The following OR2C1 variants were observed in gnomAD, a reference collection of about 807,000 sequenced individuals.
OR2C1 encodes the protein olfactory receptor 2C1.
For missense variants in OR2C1, 468 were observed against 388.3 expected (o/e 1.21, Z -1.73); for synonymous variants, 209 against 167.3 (o/e 1.25, Z -1.92).
chr16:3,355,841 G>C, upstream of OR2C1: 1 of 820,830 alleles, frequency 1.2e-6, no homozygotes, highest in Non-Finnish European at 1.9e-6. Flanking sequence ...CTATTAGACC[G>C]TTCCTGATGC....
At chr16:3,340,140 A>G in the OR2C1 span, among the ~76,000 whole-genome samples, 97 of 152,190 alleles carry the variant, frequency 6.4e-4, no homozygotes, top group African/African-American at 2.3e-3. Flanking sequence ...TTAGCCAGGC[A>G]TGGTGGCAGG....
chr16:3,354,749 C>A (rs77922294), upstream of OR2C1, among the ~76,000 whole-genome samples: 6,642 of 152,202 alleles, frequency 0.044, 193 homozygotes, highest in Middle Eastern at 0.061. Context: ...CTGAGCGTAT[C>A]AGAATCTTGG....
At chr16:3,347,869 CACACGCACAT>C in the OR2C1 span, among the ~76,000 whole-genome samples, 8 of 6,408 alleles carry the variant, frequency 1.2e-3, no homozygotes, top group South Asian at 0.043. Context: ...CGCGCACACA[CACACGCACAT>C]GCACACATGC....
chr16:3,326,715 C>T, the OR2C1 span, among the ~76,000 whole-genome samples: 5 of 152,148 alleles, frequency 3.3e-5, no homozygotes, highest in Non-Finnish European at 7.3e-5. Flanking sequence ...GGCATATGGC[C>T]TTAAGCTGGT....
chr16:3,323,733 C>A, the OR2C1 span: 1 of 685,548 alleles, frequency 1.5e-6, no homozygotes, highest in South Asian at 1.6e-5. Context: ...CACACCTTGT[C>A]ACATTTCTGC....
the OR2C1 span, among the ~76,000 whole-genome samples, chr16:3,325,953 CAA>C: frequency 7.6e-6 from 1 of 131,920 alleles, no homozygotes; most frequent in Non-Finnish European, 1.5e-5. Context: ...TTTTTTTAGG[CAA>C]AGTCTCACTC....
upstream of OR2C1, among the ~76,000 whole-genome samples, chr16:3,352,903 G>A (rs915420320): frequency 2.7e-5 from 4 of 149,170 alleles, no homozygotes; most frequent in African/African-American, 7.6e-5. Flanking sequence ...CACCACGCCC[G>A]GATAATTTTT....
At chr16:3,339,430 C>G in the OR2C1 span, among the ~76,000 whole-genome samples, 1 of 151,996 alleles carries the variant, frequency 6.6e-6, no homozygotes, top group South Asian at 2.1e-4. Flanking sequence ...GAGAAACTGC[C>G]AAACTGTTTT....
At chr16:3,329,298 A>T in the OR2C1 span, among the ~76,000 whole-genome samples, 1 of 151,832 alleles carries the variant, frequency 6.6e-6, no homozygotes, top group Non-Finnish European at 1.5e-5. Flanking sequence ...GAGAAAAATA[A>T]ACAATAATTA....
upstream of OR2C1, among the ~76,000 whole-genome samples, chr16:3,352,510 C>G (rs920834433): frequency 6.6e-6 from 1 of 152,104 alleles, no homozygotes; most frequent in Non-Finnish European, 1.5e-5. Context: ...TTACTGATGT[C>G]TCTTAGAAGT....
At chr16:3,331,784 T>A in the OR2C1 span, among the ~76,000 whole-genome samples, 2 of 150,490 alleles carry the variant, frequency 1.3e-5, no homozygotes, top group African/African-American at 4.9e-5. Context: ...CACGTATGTT[T>A]ATTGCGGCAT....
chr16:3,341,595 C>T, the OR2C1 span, among the ~76,000 whole-genome samples: 4 of 152,164 alleles, frequency 2.6e-5, no homozygotes, highest in African/African-American at 4.8e-5. Context: ...AAGATTCAAT[C>T]ATTTTCTAGA....
At chr16:3,346,034 T>A in the OR2C1 span, among the ~76,000 whole-genome samples, 1 of 152,102 alleles carries the variant, frequency 6.6e-6, no homozygotes. Flanking sequence ...AAGATCTCAC[T>A]ATGTTGCCCA....
At position 3,356,376 on chromosome 16, in the gene OR2C1, G is replaced by C; in HGVS notation, c.436G>C (p.Val146Leu). 6.2e-7 allele frequency: 1 copy of C among 1,613,780 alleles called. No individual in the cohort carries two copies. The highest frequency in any genetic ancestry group is 8.5e-7 in the Non-Finnish European group (1 of 1,180,048). ...CCCCCAGCTCTGCTGGCTGCTGGCT[G>C]TGATTGCCTGCCTGGGTGGCTTGGG... ...MNPQLCWLLA[V>L]IACLGGLGNS... The change falls in exon 1 of 1, where the codon GTG (valine) becomes CTG (leucine). Residue 146 changes from valine (V) to leucine (L), a missense_variant. Transcript: ENST00000304936.
At chr16:3,339,530 C>A in the OR2C1 span, among the ~76,000 whole-genome samples, 1 of 152,140 alleles carries the variant, frequency 6.6e-6, no homozygotes, top group African/African-American at 2.4e-5. Flanking sequence ...AATCTCAGCT[C>A]ACAATTAGCT....
the OR2C1 span, among the ~76,000 whole-genome samples, chr16:3,347,246 C>CAAAAAAAAAAAAAAAAAA: frequency 1.6e-5 from 1 of 64,486 alleles, no homozygotes; most frequent in Non-Finnish European, 2.7e-5. Context: ...GACTCTGTCT[C>CAAAAAAAAAAAAAAAAAA]AAAAAAAAAA....
the OR2C1 span, among the ~76,000 whole-genome samples, chr16:3,328,194 C>T: frequency 2.0e-5 from 3 of 152,184 alleles, no homozygotes; most frequent in African/African-American, 7.2e-5. Context: ...GTGCTACAAA[C>T]TGCTGTGAAA....
chr16:3,343,706 C>T, the OR2C1 span, among the ~76,000 whole-genome samples: 1 of 152,044 alleles, frequency 6.6e-6, no homozygotes, highest in Non-Finnish European at 1.5e-5. Flanking sequence ...GAGCTAAGAT[C>T]GTGCCACTGC....
the OR2C1 span, among the ~76,000 whole-genome samples, chr16:3,341,431 A>G: frequency 2.0e-5 from 3 of 152,004 alleles, no homozygotes; most frequent in African/African-American, 7.3e-5. Flanking sequence ...GGTTGCTTTA[A>G]TTTCTTTTTC....
Sources: allele counts gnomAD v4.1 joint callset (sites outside exome capture counted in the v4.1 genomes callset), GRCh38; gene constraint gnomAD v4.1.1; transcripts MANE v1.5; gene names NCBI Gene and HGNC (gene_info 2026-07-23, HGNC 2026-07-21).